The following ROR1 variants were observed in gnomAD, a reference collection of about 807,000 sequenced individuals.
ROR1 encodes inactive tyrosine-protein kinase transmembrane receptor ROR1.
Under a neutral mutation model 78.8 loss-of-function variants are expected in ROR1, and 19 were observed. The ratio of observed to expected loss-of-function variants is 0.24; its 90% CI spans 0.17 to 0.35. The LOEUF (loss-of-function observed/expected upper bound fraction) is 0.35, where lower values mean the gene tolerates loss of function less well. Among genes scored for constraint, ROR1 ranks in the 10% least tolerant of loss-of-function variants. The pLI, the probability that ROR1 is intolerant of heterozygous loss-of-function variation, is 1.00. For missense variants in ROR1, 917 were observed against 1,177.8 expected, an observed-to-expected ratio of 0.78 and a Z score of 3.24; for synonymous variants, 386 against 433.6, an observed-to-expected ratio of 0.89 and a Z score of 1.36.
intron 1 of ROR1, among the ~76,000 whole-genome samples, chr1:63,829,903 G>A (rs1232516389): frequency 2.0e-5 from 3 of 152,110 alleles, no homozygotes; most frequent in African/African-American, 7.2e-5. Context: ...CTCCCAGGAA[G>A]GGAGGTTGTG....
chr1:63,788,016 CT>C (rs1482009000), intron 1 of ROR1, among the ~76,000 whole-genome samples: 3 of 152,200 alleles, frequency 2.0e-5, no homozygotes, highest in African/African-American at 4.8e-5. Context: ...GAGAGAATGA[CT>C]TCATATCCAG....
chr1:63,929,904 G>A (rs1360026215), intron 1 of ROR1, among the ~76,000 whole-genome samples: 10 of 152,150 alleles, frequency 6.6e-5, no homozygotes. Context: ...CCAGAACCTG[G>A]TCTCTTAACA....
In ROR1 at chr1:64,143,175, G is replaced by T. The variant is rs1649377296; in HGVS notation, c.1174+525G>T. Reference sequence around the variant, plus strand: ...CATATAGGTATCTAGTAAGAAAATGGAATTCCTGAGTCAGTTAACTGTTCC... The same window carrying T: ...CATATAGGTATCTAGTAAGAAAATGTAATTCCTGAGTCAGTTAACTGTTCC... On this transcript the variant is annotated intron_variant, in intron 7 of 8. Coordinates refer to ENST00000371079, the MANE Select transcript of ROR1 (RefSeq NM_005012.4). 6.1e-6 allele frequency: 6 copies of T among 989,246 alleles called. No individual in the cohort carries two copies. The South Asian group carries it at 1.8e-4, about 30-fold the overall frequency. The allele number at this position is 989,246 out of a possible 1,614,324, so 61.3% of individuals were successfully genotyped here. A position where few individuals can be genotyped will look rare whatever the true frequency, so the allele number is the denominator to read the frequency against.
intron 1 of ROR1, among the ~76,000 whole-genome samples, chr1:63,799,643 GTT>G (rs58126335): frequency 2.7e-5 from 4 of 147,484 alleles, no homozygotes; most frequent in African/African-American, 4.9e-5. Flanking sequence ...TTCCTCTCCT[GTT>G]TTTTTTTTTG....
chr1:64,065,638 G>A (rs1646950356), intron 4 of ROR1, among the ~76,000 whole-genome samples: 1 of 152,110 alleles, frequency 6.6e-6, no homozygotes, highest in African/African-American at 2.4e-5. Flanking sequence ...AGTAGTGGAG[G>A]TCACTTATAG....
intron 7 of ROR1, among the ~76,000 whole-genome samples, chr1:64,155,543 A>G (rs916287831): frequency 6.6e-6 from 1 of 152,194 alleles, no homozygotes; most frequent in Non-Finnish European, 1.5e-5. Flanking sequence ...TGTTTAAAGG[A>G]TTCAGCTTCT....
chr1:64,161,549 G>A (rs924101382), intron 8 of ROR1, among the ~76,000 whole-genome samples: 2 of 151,802 alleles, frequency 1.3e-5, no homozygotes, highest in African/African-American at 4.8e-5. Flanking sequence ...TTTGGCTAGA[G>A]CAATAATAGT....
chr1:64,178,305 A>C lies in ROR1; in HGVS notation c.2264A>C (p.His755Pro). 1 of 1,614,160 alleles carries C rather than the reference A, an allele frequency of 6.2e-7. No individual in the cohort carries two copies. The highest frequency in any genetic ancestry group is 8.5e-7 in the Non-Finnish European group (1 of 1,180,022). ...RLRSWEGLSSHTSSTTPSGGN... is the reference protein window; with the variant it reads ...RLRSWEGLSSPTSSTTPSGGN... ...CGGTCCTGGGAGGGACTCTCAAGTC[A>C]CACAAGCTCTACTACTCCTTCAGGG... The change falls in exon 9 of 9, where the codon CAC becomes CCC. Residue 755 changes from histidine to proline, a missense_variant. Around this residue, in one of 3 missense-constraint regions of ROR1, gnomAD observed 835 missense variants for 1,069.8 expected, o/e 0.78. Coordinates refer to ENST00000371079, the MANE Select transcript of ROR1 (RefSeq NM_005012.4). The surrounding 1 kb of genome is among the most constrained non-coding windows in gnomAD (Gnocchi z 4.3).
At chr1:64,016,929 T>G (rs1646525633) in intron 2 of ROR1, among the ~76,000 whole-genome samples, 1 of 151,970 alleles carries the variant, frequency 6.6e-6, no homozygotes, top group Non-Finnish European at 1.5e-5. Flanking sequence ...TATTTTTTTT[T>G]TCTTTTGAGA....
chr1:63,984,037 A>G (rs1201225352), intron 1 of ROR1, among the ~76,000 whole-genome samples: 1 of 152,120 alleles, frequency 6.6e-6, no homozygotes, highest in Non-Finnish European at 1.5e-5. Flanking sequence ...AACATACTGT[A>G]CTTTTTTTCT....
rs766598116 is a variant in ROR1, at chr1:64,178,437, AG to A, written c.2399del (p.Gly800AlafsTer45). On this transcript the variant is annotated frameshift_variant, in exon 9 of 9. Transcript: ENST00000371079. LOFTEE classifies it high-confidence loss of function. This position sits in a 1 kb window ranked among gnomAD's most constrained non-coding sequence, Gnocchi z 4.3. The stretch of plus-strand genomic sequence containing the variant: ...TTCCCGAGCCAGGGTATTACACCAC[AG>A]GGCCAGATTGCTGGTTTCATTGGCC... ...YMFPSQGITPQGQIAGFIGPP... is the reference protein window; with the variant it reads ...YMFPSQGITPXGQIAGFIGPP... The A allele has an allele frequency of 2.5e-6, 4 of 1,614,170 alleles. No homozygotes were observed. Among genetic ancestry groups the A allele is most frequent in the Non-Finnish European group, 3.4e-6 (4 of 1,180,032 alleles).
At chr1:64,147,573 G>A (rs907947241) in intron 7 of ROR1, among the ~76,000 whole-genome samples, 1 of 152,136 alleles carries the variant, frequency 6.6e-6, no homozygotes, top group African/African-American at 2.4e-5. Flanking sequence ...TCTTCTCCCA[G>A]TCGCCCTCAG....
chr1:64,001,145 T>C (rs1490248446), intron 1 of ROR1, among the ~76,000 whole-genome samples: 2 of 152,218 alleles, frequency 1.3e-5, no homozygotes, highest in Non-Finnish European at 2.9e-5. Flanking sequence ...CATGGAATAC[T>C]CTACACAGCA....
At chr1:63,964,985 A>C (rs995155780) in intron 1 of ROR1, among the ~76,000 whole-genome samples, 9 of 152,252 alleles carry the variant, frequency 5.9e-5, no homozygotes. Context: ...TCTGTGTTCA[A>C]CTTTCCTTAT....
intron 1 of ROR1, among the ~76,000 whole-genome samples, chr1:63,788,405 A>G (rs1464445754): frequency 6.6e-6 from 1 of 152,160 alleles, no homozygotes; most frequent in Non-Finnish European, 1.5e-5. Context: ...ACTGAGGCTC[A>G]GAGATGTTAA....
At chr1:64,171,546 A>G (rs950077712) in intron 8 of ROR1, among the ~76,000 whole-genome samples, 33 of 152,234 alleles carry the variant, frequency 2.2e-4, no homozygotes, top group African/African-American at 8.0e-4. Flanking sequence ...AGCCAGAATC[A>G]GCTTCAAAAG....
chr1:64,111,443 T>G (rs1188891842), intron 4 of ROR1: 1 of 152,198 alleles, frequency 6.6e-6, no homozygotes, highest in Non-Finnish European at 1.5e-5. Context: ...TTTAGCTTCC[T>G]CGGGTTCCTA....
chr1:64,031,645 T>C (rs1239076696), intron 2 of ROR1, among the ~76,000 whole-genome samples: 8 of 152,266 alleles, frequency 5.3e-5, no homozygotes, highest in Non-Finnish European at 1.0e-4. Flanking sequence ...CCTTTTTGTC[T>C]GTGGCATCTT....
In ROR1 at chr1:63,804,045, A is replaced by G. The variant is rs147505056; in HGVS notation, c.91+29537A>G. Among the ~76,000 whole-genome samples the G allele has an allele frequency of 6.5e-3, 989 of 152,286 alleles. 7 individuals carry two copies. Among genetic ancestry groups the G allele is most frequent in the Non-Finnish European group, 0.01 (700 of 68,018 alleles). ...ATGCTGAGTAATCTCTAAAGGTTAT[A>G]TTTATAGAACATTCCCAAAATAACA... On this transcript the variant is annotated intron_variant, in intron 1 of 8. Coordinates refer to ENST00000371079, the MANE Select transcript of ROR1 (RefSeq NM_005012.4).
Sources: allele counts gnomAD v4.1 joint callset (sites outside exome capture counted in the v4.1 genomes callset), GRCh38; gene constraint gnomAD v4.1.1; regional missense constraint gnomAD v4.1.1; non-coding constraint Gnocchi (gnomAD v3.1); transcripts MANE v1.5; gene names NCBI Gene and HGNC (gene_info 2026-07-23, HGNC 2026-07-21).